The following AP3B2 variants were observed in gnomAD, a reference collection of about 807,000 sequenced individuals.
AP3B2 encodes adaptor related protein complex 3 subunit beta 2, also known as AP-3 complex subunit beta-2.
Under a neutral mutation model 126.9 loss-of-function variants are expected in AP3B2, and 50 were observed. That is an observed-to-expected ratio of 0.39 (90% CI 0.31 to 0.50). The LOEUF is 0.50. Ranked by LOEUF, AP3B2 falls within the 20% of genes least tolerant of loss-of-function variation. The pLI, the probability that AP3B2 is intolerant of heterozygous loss-of-function variation, is 0.79. For synonymous variants in AP3B2, 541 were observed against 565.0 expected (o/e 0.96, Z 0.60); for missense variants, 1,177 against 1,426.4 (o/e 0.83, Z 2.82).
intron 1 of AP3B2, among the ~76,000 whole-genome samples, chr15:82,697,082 A>G (rs2048640050): frequency 6.6e-6 from 1 of 152,230 alleles, no homozygotes; most frequent in African/African-American, 2.4e-5. Flanking sequence ...CTGTAATCCC[A>G]GCACTTTGGG....
chr15:82,660,186 T>C (rs750848502), intron 25 of AP3B2, among the ~76,000 whole-genome samples: 185 of 152,280 alleles, frequency 1.2e-3, no homozygotes, highest in Admixed American at 4.3e-3. Context: ...TCAGCCTCTC[T>C]ACCCCTCCCA....
At chr15:82,696,216 G>A (rs1028086206) in intron 1 of AP3B2, among the ~76,000 whole-genome samples, 1 of 152,008 alleles carries the variant, frequency 6.6e-6, no homozygotes, top group Non-Finnish European at 1.5e-5. Context: ...CATTTTGGAG[G>A]GACACAATTC....
At chr15:82,691,855 G>C in intron 1 of AP3B2, 1 of 1,310,992 alleles carries the variant, frequency 7.6e-7, no homozygotes, top group Non-Finnish European at 1.1e-6. Context: ...CTCAGATGTA[G>C]GAAGTTTCAC....
chr15:82,689,350 G>A, intron 2 of AP3B2, 28 bp downstream of exon 2: 1 of 1,613,372 alleles, frequency 6.2e-7, no homozygotes, highest in Non-Finnish European at 8.5e-7. Flanking sequence ...GCCCCGCCCG[G>A]AGGGAGGCCT....
intron 15 of AP3B2, among the ~76,000 whole-genome samples, chr15:82,666,394 T>G (rs146427833): frequency 6.6e-6 from 1 of 152,354 alleles, no homozygotes; most frequent in East Asian, 1.9e-4. Context: ...CTTTGTGTGT[T>G]GTTTTGCTTT....
intron 1 of AP3B2, among the ~76,000 whole-genome samples, chr15:82,701,814 C>A (rs1021321293): frequency 1.3e-5 from 2 of 152,122 alleles, no homozygotes; most frequent in African/African-American, 4.8e-5. Flanking sequence ...TAATCTAGCT[C>A]CTGTTCTCCT....
intron 15 of AP3B2, 35 bp downstream of exon 15, chr15:82,666,712 C>A (rs750388589): frequency 6.2e-7 from 1 of 1,601,852 alleles, no homozygotes; most frequent in South Asian, 1.1e-5. Context: ...CCTTTCCATT[C>A]CCCTAGGAAG....
intron 14 of AP3B2, among the ~76,000 whole-genome samples, chr15:82,673,948 G>C (rs568876504): frequency 1.3e-5 from 2 of 152,272 alleles, no homozygotes; most frequent in East Asian, 3.9e-4. Context: ...AACCTGCTAG[G>C]CAGTTTCCCC....
chr15:82,706,003 C>A (rs1006604080), intron 1 of AP3B2, among the ~76,000 whole-genome samples: 2 of 152,176 alleles, frequency 1.3e-5, no homozygotes, highest in African/African-American at 4.8e-5. Flanking sequence ...AGCCAAAGTG[C>A]AGGGCTGTGC....
chr15:82,680,498 C>G lies in AP3B2; in HGVS notation c.1029G>C (p.Ala343=). ...TGTGGCTGCGCAGCAGGCGCACCAG[C>G]GCCTTGGCGATGACGCCCACTTCCG... The part of the protein sequence containing the change: ...PKAEVGVIAK[A]LVRLLRSHSE... The change falls in exon 8 of 27, where the codon GCG becomes GCC. Residue 343 remains alanine (A), a synonymous_variant. Transcript: ENST00000535359. The surrounding 1 kb of genome is among the most constrained non-coding windows in gnomAD (Gnocchi z 6.1). 6.6e-7 allele frequency: 1 copy of G among 1,522,918 alleles called. No homozygotes were observed. The highest frequency in any genetic ancestry group is 8.8e-7 in the Non-Finnish European group (1 of 1,139,358). The allele number at this position is 1,522,918 out of a possible 1,614,324, so 94.3% of individuals were successfully genotyped here.
At chr15:82,675,959 T>C (rs1030570962) in intron 14 of AP3B2, among the ~76,000 whole-genome samples, 1 of 152,160 alleles carries the variant, frequency 6.6e-6, no homozygotes, top group Non-Finnish European at 1.5e-5. Context: ...TTGAGCCTCA[T>C]CCTTGGCTGT....
At chr15:82,692,388 T>C in intron 1 of AP3B2, 9 of 474,256 alleles carry the variant, frequency 1.9e-5, no homozygotes, top group South Asian at 5.9e-5. Context: ...CTCCCCGCAA[T>C]CCCCCCGCAG....
intron 1 of AP3B2, among the ~76,000 whole-genome samples, chr15:82,690,987 A>G (rs1348620511): frequency 6.6e-6 from 1 of 152,144 alleles, no homozygotes; most frequent in African/African-American, 2.4e-5. Flanking sequence ...GCCATGCCAC[A>G]TGTTCTTAAT....
At chr15:82,670,170 C>T (rs532028735) in intron 14 of AP3B2, among the ~76,000 whole-genome samples, 46 of 119,570 alleles carry the variant, frequency 3.8e-4, no homozygotes, top group East Asian at 2.9e-3. Flanking sequence ...AGTGCAGTGG[C>T]GCGATCTTGG....
At position 82,661,873 on chromosome 15, in the gene AP3B2, G is replaced by C. The variant is rs558558434; in HGVS notation, c.2968C>G (p.Leu990Val). ...YVSIQPPVGE[L>V]MAPVFMSENE... is the part of the protein sequence containing the mutation. The stretch of plus-strand genomic sequence containing the variant: ...TCACTCATGAACACAGGGGCCATCA[G>C]CTCCCCAACAGGTGGCTGAATGGAG... The change falls in exon 25 of 27, where the codon CTG (leucine) becomes GTG (valine). Residue 990 changes from leucine to valine, a missense_variant. Around this residue, in one of 5 missense-constraint regions of AP3B2, gnomAD observed 587 missense variants for 571.3 expected, o/e 1.03. Transcript: ENST00000535359. 6.2e-7 allele frequency: 1 copy of C among 1,613,870 alleles called. No individual in the cohort carries two copies. Among genetic ancestry groups the C allele is most frequent in the Non-Finnish European group, 8.5e-7 (1 of 1,179,870 alleles).
chr15:82,662,603 C>G, intron 23 of AP3B2, 91 bp downstream of exon 23: 1 of 1,276,050 alleles, frequency 7.8e-7, no homozygotes, highest in Non-Finnish European at 1.1e-6. Flanking sequence ...AGCTTGGCCC[C>G]TGGCCTGGCA....
intron 14 of AP3B2, among the ~76,000 whole-genome samples, chr15:82,671,219 G>A (rs2048152350): frequency 6.6e-6 from 1 of 152,152 alleles, no homozygotes; most frequent in Admixed American, 6.5e-5. Flanking sequence ...AGAGGCAGAG[G>A]TTGCAGTGAG....
At position 82,664,688 on chromosome 15, in the gene AP3B2, T is replaced by C; in HGVS notation, c.2137+147A>G. The C allele has an allele frequency of 3.3e-6, 3 of 899,284 alleles. No individual in the cohort carries two copies. The highest frequency in any genetic ancestry group is 5.1e-6 in the Non-Finnish European group (3 of 591,246). The allele number at this position is 899,284 out of a possible 1,614,324, so 55.7% of individuals were successfully genotyped here. On this transcript the variant is annotated intron_variant, in intron 18 of 26. Transcript: ENST00000535359. The surrounding 1 kb of genome is among the most constrained non-coding windows in gnomAD (Gnocchi z 4.5). ...AGAAACCTGCACAAGCACACACACCTGGAACATGAATCCCTCAGGTGCACA... is the reference window on the plus strand; with the variant it reads ...AGAAACCTGCACAAGCACACACACCCGGAACATGAATCCCTCAGGTGCACA...
chr15:82,664,723 C>T lies in AP3B2; in HGVS notation c.2137+112G>A, dbSNP rs1390672887. On this transcript the variant is annotated intron_variant, in intron 18 of 26. Coordinates refer to ENST00000535359, the MANE Select transcript of AP3B2 (RefSeq NM_001278512.2). The surrounding 1 kb of genome is among the most constrained non-coding windows in gnomAD (Gnocchi z 4.5). Reference sequence around the variant, plus strand: ...ATCCCTCAGGTGCACAAACAATTCACAAGCAGGTGCACACCCCTAGACACA... The same window carrying T: ...ATCCCTCAGGTGCACAAACAATTCATAAGCAGGTGCACACCCCTAGACACA... The T allele has an allele frequency of 4.2e-6, 4 of 959,826 alleles. No individual in the cohort carries two copies. Among genetic ancestry groups the T allele is most frequent in the Non-Finnish European group, 4.7e-6 (3 of 643,458 alleles). 59.5% of individuals were successfully genotyped at this position (959,826 alleles called of 1,614,324 possible).
Sources: allele counts gnomAD v4.1 joint callset (sites outside exome capture counted in the v4.1 genomes callset), GRCh38; gene constraint gnomAD v4.1.1; regional missense constraint gnomAD v4.1.1; non-coding constraint Gnocchi (gnomAD v3.1); transcripts MANE v1.5; gene names NCBI Gene and HGNC (gene_info 2026-07-23, HGNC 2026-07-21).